Variants in TG observed in about 807,000 individuals in gnomAD.
TG encodes thyroglobulin, also known as thyroid hormones.
A neutral mutation model predicts 324.7 loss-of-function variants in TG; 270 were observed. The observed-to-expected ratio is 0.83, with a 90% CI of 0.75 to 0.92. The LOEUF (loss-of-function observed/expected upper bound fraction) is 0.92. Among genes scored for constraint, TG ranks in the 40% least tolerant of loss-of-function variants. The pLI, the probability that TG is intolerant of heterozygous loss-of-function variation, is 0.00. For synonymous variants in TG, 1,401 were observed against 1,327.0 expected (o/e 1.06, Z -1.21); for missense variants, 3,591 against 3,456.4 (o/e 1.04, Z -0.98).
In TG at chr8:133,075,053, C is replaced by T. The variant is rs116066088; in HGVS notation, c.7240-19991C>T. 1.0e-4 allele frequency: 101 copies of T among 985,316 alleles called. 1 individual carries two copies. Among genetic ancestry groups the T allele is most frequent in the South Asian group, 1.4e-4 (3 of 21,282 alleles). 61.0% of individuals were successfully genotyped at this position (985,316 alleles called of 1,614,324 possible). Reference sequence around the variant, plus strand: ...GGCCGCATACTTCCTCTGCTAGGAACGAGGAAGGCACAGGGCTTGCAGAAG... The same window carrying T: ...GGCCGCATACTTCCTCTGCTAGGAATGAGGAAGGCACAGGGCTTGCAGAAG... On this transcript the variant is annotated intron_variant, in intron 41 of 47. Transcript: ENST00000220616.
Position 132,972,593 on chromosome 8 carries a change from C to T in TG, c.6056-5C>T. 2 of 1,594,560 alleles carry T rather than the reference C, an allele frequency of 1.3e-6. No homozygotes were observed. The highest frequency in any genetic ancestry group is 1.1e-5 in the South Asian group (1 of 90,616). On this transcript the variant is annotated splice_polypyrimidine_tract_variant and splice_region_variant and intron_variant, in intron 33 of 47. Coordinates refer to ENST00000220616, the MANE Select transcript of TG (RefSeq NM_003235.5). ...GGTTTTTTGTTTTTTTTTTTTCCAC[C>T]CCAGGAGGAGAGGTGACATGTCTCA...
At chr8:132,907,080 G>A (rs922272480) in intron 17 of TG, among the ~76,000 whole-genome samples, 180 bp downstream of exon 17, 2 of 152,230 alleles carry the variant, frequency 1.3e-5, no homozygotes, top group Admixed American at 1.3e-4. Context: ...AGGAGCAGAT[G>A]TCCTTCACAG....
intron 25 of TG, among the ~76,000 whole-genome samples, chr8:132,936,258 G>C (rs997117372): frequency 6.6e-6 from 1 of 152,234 alleles, no homozygotes; most frequent in Admixed American, 6.5e-5. Flanking sequence ...TGCGGCCCAA[G>C]AGGCTGGGCA....
intron 41 of TG, among the ~76,000 whole-genome samples, chr8:133,044,346 C>T (rs986847361): frequency 6.6e-6 from 1 of 152,182 alleles, no homozygotes; most frequent in African/African-American, 2.4e-5. Context: ...TCAGTGGATG[C>T]TCCCCATCTT....
At chr8:133,096,058 C>A (rs985788944) in intron 42 of TG, 148 bp from the exon 43 acceptor site, 2 of 926,956 alleles carry the variant, frequency 2.2e-6, no homozygotes, top group Admixed American at 3.5e-5. Flanking sequence ...CACATGGTGT[C>A]CTGCCTGCCA....
chr8:132,871,148 G>A (rs1253987737), intron 3 of TG, among the ~76,000 whole-genome samples, 200 bp from the exon 4 acceptor site: 1 of 152,112 alleles, frequency 6.6e-6, no homozygotes, highest in Admixed American at 6.5e-5. Context: ...TGGCACCAGC[G>A]AGATCAGCCC....
intron 35 of TG, among the ~76,000 whole-genome samples, chr8:132,988,008 G>GGGATGACCCCACT (rs1831791988): frequency 6.6e-6 from 1 of 151,156 alleles, no homozygotes; most frequent in Non-Finnish European, 1.5e-5. Context: ...ACCAGTCGGG[G>GGGATGACCCCACT]GAGCAGAATT....
intron 39 of TG, among the ~76,000 whole-genome samples, chr8:133,020,932 A>G (rs1835504397): frequency 6.6e-6 from 1 of 152,156 alleles, no homozygotes; most frequent in Non-Finnish European, 1.5e-5. Flanking sequence ...TGAGGCCATC[A>G]TATGTGGAGT....
At chr8:133,051,756 AG>A (rs1307318434) in intron 41 of TG, among the ~76,000 whole-genome samples, 5 of 152,232 alleles carry the variant, frequency 3.3e-5, no homozygotes, top group Non-Finnish European at 7.3e-5. Flanking sequence ...CATTAGATGC[AG>A]GGTAATATTT....
chr8:133,027,328 G>T (rs188287778), intron 40 of TG, among the ~76,000 whole-genome samples: 41 of 152,354 alleles, frequency 2.7e-4, no homozygotes, highest in African/African-American at 9.6e-4. Flanking sequence ...GAGTGTTAGT[G>T]CAGGCCTGGA....
chr8:132,882,700 C>G, intron 7 of TG, 88 bp downstream of exon 7: 1 of 1,611,710 alleles, frequency 6.2e-7, no homozygotes, highest in Non-Finnish European at 8.5e-7. Context: ...TGTGGCTGCT[C>G]CACCAAAGTG....
intron 1 of TG, among the ~76,000 whole-genome samples, chr8:132,867,668 C>T (rs997718331): frequency 3.3e-5 from 5 of 150,178 alleles, no homozygotes; most frequent in Non-Finnish European, 5.9e-5. Flanking sequence ...ATTGGTATTT[C>T]AATGTTTATC....
chr8:132,964,274 C>T (rs1398997071), intron 29 of TG, among the ~76,000 whole-genome samples: 4 of 152,078 alleles, frequency 2.6e-5, no homozygotes, highest in African/African-American at 9.7e-5. Flanking sequence ...TGCTTTCTTC[C>T]CTCTCCCCTA....
intron 10 of TG, among the ~76,000 whole-genome samples, chr8:132,891,516 G>A (rs990193765): frequency 6.6e-6 from 1 of 152,082 alleles, no homozygotes; most frequent in African/African-American, 2.4e-5. Context: ...TGCATTTCTT[G>A]TAGAGACGGG....
intron 32 of TG, 32 bp downstream of exon 32, chr8:132,969,601 A>G (rs1829177714): frequency 7.4e-7 from 1 of 1,353,602 alleles, no homozygotes; most frequent in Non-Finnish European, 1.1e-6. Flanking sequence ...CCTAATGTTT[A>G]TTATGAATAA....
intron 43 of TG, among the ~76,000 whole-genome samples, chr8:133,111,472 A>G (rs1341524320): frequency 6.6e-6 from 1 of 152,246 alleles, no homozygotes; most frequent in Non-Finnish European, 1.5e-5. Flanking sequence ...TTGTAATGAA[A>G]TATTCCAGGC....
chr8:132,965,488 A>G (rs552350476), intron 29 of TG, among the ~76,000 whole-genome samples: 1 of 152,334 alleles, frequency 6.6e-6, no homozygotes, highest in African/African-American at 2.4e-5. Flanking sequence ...TGCCCCTTAT[A>G]CAGAGCCCTG....
At chr8:132,932,714 C>T (rs1822898059) in intron 23 of TG, among the ~76,000 whole-genome samples, 1 of 152,186 alleles carries the variant, frequency 6.6e-6, no homozygotes, top group African/African-American at 2.4e-5. Context: ...CAGCTGTGGT[C>T]CCTGCCCTCA....
chr8:132,912,928 A>T, intron 19 of TG, 119 bp from the exon 20 acceptor site: 1 of 961,380 alleles, frequency 1.0e-6, no homozygotes, highest in Non-Finnish European at 1.6e-6. Context: ...ATGAGACACC[A>T]CATGATGCCT....
Sources: gnomAD v4.1 joint callset for allele counts (sites outside exome capture counted in the v4.1 genomes callset) on GRCh38, gnomAD v4.1.1 for gene constraint, MANE v1.5 for transcripts, NCBI Gene and HGNC (gene_info 2026-07-23, HGNC 2026-07-21) for gene names.